FSTL5: variants seen among roughly 807,000 people sequenced by gnomAD.
FSTL5 encodes follistatin like 5.
A neutral mutation model predicts 89.1 loss-of-function variants in FSTL5; 62 were observed. That is an observed-to-expected ratio of 0.70 (90% CI 0.57 to 0.86). The LOEUF is 0.86. Ranked by LOEUF, FSTL5 falls within the 40% of genes least tolerant of loss-of-function variation. FSTL5 has a pLI of 0.00. For synonymous variants in FSTL5, 383 were observed against 346.2 expected (o/e 1.11, Z -1.18); for missense variants, 1,057 against 1,001.6 (o/e 1.06, Z -0.75).
At chr4:161,896,651 T>G (rs1171537641) in intron 4 of FSTL5, among the ~76,000 whole-genome samples, 1 of 152,184 alleles carries the variant, frequency 6.6e-6, no homozygotes. Context: ...AAATCTGTAA[T>G]ATCTTAAACC....
intron 4 of FSTL5, among the ~76,000 whole-genome samples, chr4:161,904,103 C>A (rs1331612276): frequency 1.3e-5 from 2 of 151,742 alleles, no homozygotes; most frequent in Non-Finnish European, 2.9e-5. Flanking sequence ...GACTCAAATT[C>A]TAAAACTTTA....
At chr4:162,000,158 A>T (rs1211069483) in intron 3 of FSTL5, among the ~76,000 whole-genome samples, 1 of 152,232 alleles carries the variant, frequency 6.6e-6, no homozygotes, top group Non-Finnish European at 1.5e-5. Context: ...AGCCACAAAG[A>T]CACAGGTGTC....
intron 4 of FSTL5, among the ~76,000 whole-genome samples, chr4:161,866,649 C>T (rs1047968093): frequency 6.6e-6 from 1 of 151,670 alleles, no homozygotes; most frequent in African/African-American, 2.4e-5. Flanking sequence ...TTCAGTGTAG[C>T]CTTAACAACA....
intron 10 of FSTL5, among the ~76,000 whole-genome samples, chr4:161,537,036 C>T (rs1012629021): frequency 6.6e-6 from 1 of 151,960 alleles, no homozygotes; most frequent in African/African-American, 2.4e-5. Context: ...TAAAGACTTT[C>T]CTTCTTAAAT....
intron 7 of FSTL5, among the ~76,000 whole-genome samples, chr4:161,628,589 G>C (rs184828333): frequency 1.4e-4 from 21 of 152,214 alleles, no homozygotes; most frequent in African/African-American, 5.1e-4. Context: ...AATGTGCAGA[G>C]AGATGCCAAA....
chr4:161,928,153 A>C (rs574674195), intron 3 of FSTL5, among the ~76,000 whole-genome samples: 4 of 151,932 alleles, frequency 2.6e-5, no homozygotes, highest in African/African-American at 9.6e-5. Flanking sequence ...AGTTGGAATT[A>C]TACAATATGT....
chr4:161,820,844 C>T (rs1186487816), intron 4 of FSTL5, among the ~76,000 whole-genome samples: 1 of 151,524 alleles, frequency 6.6e-6, no homozygotes, highest in Admixed American at 6.6e-5. Flanking sequence ...CAATGATAAT[C>T]TGAGCCATAA....
intron 10 of FSTL5, among the ~76,000 whole-genome samples, chr4:161,527,332 G>T (rs1731257451): frequency 1.3e-5 from 2 of 152,090 alleles, no homozygotes; most frequent in Admixed American, 6.6e-5. Context: ...CACAGCAAAA[G>T]AAACTACCAT....
chr4:161,774,065 T>C (rs1310398559), intron 5 of FSTL5, among the ~76,000 whole-genome samples: 1 of 151,880 alleles, frequency 6.6e-6, no homozygotes, highest in Non-Finnish European at 1.5e-5. Context: ...ATTGAGACCA[T>C]CCTGGGTAAC....
chr4:161,518,055 T>C (rs750803195), intron 10 of FSTL5, among the ~76,000 whole-genome samples: 3 of 152,226 alleles, frequency 2.0e-5, no homozygotes, highest in Non-Finnish European at 4.4e-5. Context: ...ACATTTGATA[T>C]GTCAAGTACA....
chr4:161,781,461 A>G (rs1363136365), intron 4 of FSTL5, among the ~76,000 whole-genome samples: 3 of 152,172 alleles, frequency 2.0e-5, no homozygotes, highest in African/African-American at 4.8e-5. Context: ...TAAGCTTACT[A>G]TGTTTCAGGT....
chr4:162,060,029 T>A (rs1560997041), intron 2 of FSTL5, among the ~76,000 whole-genome samples: 1 of 152,110 alleles, frequency 6.6e-6, no homozygotes, highest in Non-Finnish European at 1.5e-5. Context: ...AATAAACACA[T>A]CATGGGAGTC....
intron 3 of FSTL5, among the ~76,000 whole-genome samples, chr4:161,992,950 AT>A (rs1318874881): frequency 2.6e-3 from 14 of 5,406 alleles, no homozygotes; most frequent in East Asian, 0.013. Context: ...ATGTGTGTAT[AT>A]CTATATATAT....
intron 5 of FSTL5, among the ~76,000 whole-genome samples, chr4:161,761,926 T>C (rs957482899): frequency 7.2e-5 from 11 of 152,216 alleles, no homozygotes; most frequent in African/African-American, 1.2e-4. Flanking sequence ...TTCTTAGTAA[T>C]TATTTCTCTC....
intron 6 of FSTL5, among the ~76,000 whole-genome samples, chr4:161,675,740 T>G (rs116343551): frequency 0.013 from 1,975 of 152,076 alleles, 49 homozygotes; most frequent in African/African-American, 0.045. Flanking sequence ...GGAAATTGTT[T>G]TTTTACTTAA....
chr4:162,127,480 T>C (rs1235051524), intron 1 of FSTL5, among the ~76,000 whole-genome samples: 1 of 152,206 alleles, frequency 6.6e-6, no homozygotes, highest in African/African-American at 2.4e-5. Flanking sequence ...AAAAATAAAC[T>C]TAAAAGTCAT....
At chr4:161,839,512 A>G (rs1186698653) in intron 4 of FSTL5, among the ~76,000 whole-genome samples, 2 of 152,226 alleles carry the variant, frequency 1.3e-5, no homozygotes, top group Non-Finnish European at 2.9e-5. Context: ...AAAAGGGAGT[A>G]AAACCTACGG....
chr4:162,034,295 T>G (rs1394295244), intron 2 of FSTL5, among the ~76,000 whole-genome samples: 1 of 152,148 alleles, frequency 6.6e-6, no homozygotes, highest in African/African-American at 2.4e-5. Context: ...CCTTCAGAAT[T>G]TGCTTTCAAT....
At chr4:162,090,816 C>G (rs1323020001) in intron 2 of FSTL5, among the ~76,000 whole-genome samples, 1 of 151,942 alleles carries the variant, frequency 6.6e-6, no homozygotes, top group Non-Finnish European at 1.5e-5. Context: ...CAGAAACACA[C>G]ACACACACAC....
Sources: gnomAD v4.1 joint callset for allele counts (sites outside exome capture counted in the v4.1 genomes callset) on GRCh38, gnomAD v4.1.1 for gene constraint, MANE v1.5 for transcripts, NCBI Gene and HGNC (gene_info 2026-07-23, HGNC 2026-07-21) for gene names.